ASTN2: variants seen among roughly 807,000 people sequenced by gnomAD.
ASTN2 encodes astrotactin 2.
A neutral mutation model predicts 139.8 loss-of-function variants in ASTN2; 54 were observed. That is an observed-to-expected ratio of 0.39 (90% CI 0.31 to 0.48). ASTN2 has a LOEUF of 0.48. Ranked by LOEUF, ASTN2 falls within the 20% of genes least tolerant of loss-of-function variation. ASTN2 has a pLI of 0.95. For missense variants in ASTN2, 1,565 were observed against 1,725.1 expected (o/e 0.91, Z 1.64); for synonymous variants, 756 against 719.5 (o/e 1.05, Z -0.81).
chr9:116,651,221 C>A (rs1212956381), intron 17 of ASTN2, among the ~76,000 whole-genome samples: 1 of 152,018 alleles, frequency 6.6e-6, no homozygotes, highest in Non-Finnish European at 1.5e-5. Context: ...CCAGCCTGCA[C>A]TACTTCTCAT....
chr9:117,169,895 T>C (rs1265428302), intron 3 of ASTN2, among the ~76,000 whole-genome samples: 5 of 152,112 alleles, frequency 3.3e-5, no homozygotes, highest in Non-Finnish European at 1.5e-5. Context: ...ACAAAGTGCT[T>C]TGGGAACGGC....
chr9:116,644,546 C>G (rs1439333137), intron 17 of ASTN2, among the ~76,000 whole-genome samples: 2 of 152,154 alleles, frequency 1.3e-5, no homozygotes. Flanking sequence ...GCATGTCTTA[C>G]TTCAAATTCA....
chr9:117,175,863 AC>A (rs1316107101), intron 3 of ASTN2, among the ~76,000 whole-genome samples: 7 of 152,176 alleles, frequency 4.6e-5, no homozygotes, highest in Admixed American at 6.5e-5. Context: ...AATGAAAAAA[AC>A]ATTGTAGAAT....
chr9:117,303,520 G>A (rs1834926899), intron 1 of ASTN2, among the ~76,000 whole-genome samples: 1 of 152,086 alleles, frequency 6.6e-6, no homozygotes, highest in Non-Finnish European at 1.5e-5. Flanking sequence ...GCACCAACCT[G>A]GACCAAATGA....
intron 16 of ASTN2, among the ~76,000 whole-genome samples, chr9:116,721,818 T>C (rs1272770365): frequency 4.6e-5 from 7 of 152,210 alleles, no homozygotes; most frequent in African/African-American, 1.7e-4. Context: ...CCAGTGGTTA[T>C]TGGCATGCCC....
chr9:116,539,278 G>A lies in ASTN2; in HGVS notation c.3356-51778C>T, dbSNP rs550227210. ...CCTAAAATTGACCGTGGTGATAATC[G>A]CACAACTCTGTCAATGTGCTATCAA... On this transcript the variant is annotated intron_variant, in intron 19 of 22. Coordinates refer to ENST00000313400, the MANE Select transcript of ASTN2 (RefSeq NM_001365068.1). Among the ~76,000 whole-genome samples, 7 of 151,996 alleles carry A rather than the reference G, an allele frequency of 4.6e-5. No individual in the cohort carries two copies. In the South Asian group the frequency reaches 6.2e-4, roughly 14 times the overall value.
At chr9:117,115,111 C>A (rs535356114) in intron 4 of ASTN2, among the ~76,000 whole-genome samples, 1 of 152,310 alleles carries the variant, frequency 6.6e-6, no homozygotes, top group South Asian at 2.1e-4. Flanking sequence ...CTTTTAACCA[C>A]AAAGCTTTGG....
chr9:116,492,949 C>G (rs1849561801), intron 19 of ASTN2, among the ~76,000 whole-genome samples: 1 of 152,190 alleles, frequency 6.6e-6, no homozygotes, highest in Non-Finnish European at 1.5e-5. Flanking sequence ...TAACCTTCAA[C>G]TAGATCAACT....
At chr9:116,532,944 C>T (rs1851423715) in intron 19 of ASTN2, among the ~76,000 whole-genome samples, 1 of 152,152 alleles carries the variant, frequency 6.6e-6, no homozygotes, top group African/African-American at 2.4e-5. Flanking sequence ...CTATAAATTA[C>T]CTTGGGCAGT....
intron 1 of ASTN2, among the ~76,000 whole-genome samples, chr9:117,363,439 G>A (rs940269904): frequency 3.9e-5 from 6 of 152,154 alleles, no homozygotes; most frequent in African/African-American, 1.4e-4. Flanking sequence ...AATTGTTCAA[G>A]GTAACACAGC....
At chr9:117,307,265 G>T (rs914031338) in intron 1 of ASTN2, among the ~76,000 whole-genome samples, 2 of 152,128 alleles carry the variant, frequency 1.3e-5, no homozygotes, top group African/African-American at 2.4e-5. Flanking sequence ...TTCACATATG[G>T]CTGTTTCCTC....
At chr9:117,226,677 G>A (rs147946183) in intron 2 of ASTN2, among the ~76,000 whole-genome samples, 10 of 152,286 alleles carry the variant, frequency 6.6e-5, no homozygotes, top group Non-Finnish European at 1.3e-4. Flanking sequence ...ATTAACAGAT[G>A]ACAAAAGTGA....
In ASTN2 at chr9:117,230,005, C is replaced by T. The variant is rs188949749; in HGVS notation, c.631-15263G>A. ...TGAGAAACATAGTGAAACCCCATCT[C>T]TACAAAAAATAAAAATAAAAAAAGG... On this transcript the variant is annotated intron_variant, in intron 2 of 22. Transcript: ENST00000313400. 2.1e-4 allele frequency among the ~76,000 whole-genome samples: 32 copies of T among 151,494 alleles called. No homozygotes were observed. The South Asian group carries it at 3.3e-3, about 16-fold the overall frequency.
intron 4 of ASTN2, among the ~76,000 whole-genome samples, chr9:117,109,145 G>A (rs937723590): frequency 6.8e-6 from 1 of 147,502 alleles, no homozygotes; most frequent in Non-Finnish European, 1.5e-5. Context: ...AGCTGGGCGT[G>A]GAGATACATG....
chr9:116,874,337 G>C (rs1390176393), intron 10 of ASTN2, among the ~76,000 whole-genome samples: 1 of 152,106 alleles, frequency 6.6e-6, no homozygotes, highest in Non-Finnish European at 1.5e-5. Flanking sequence ...AGTGTCTTGT[G>C]CTTCTGAGTA....
intron 19 of ASTN2, among the ~76,000 whole-genome samples, chr9:116,520,348 A>T (rs1850816012): frequency 6.6e-6 from 1 of 152,188 alleles, no homozygotes; most frequent in Admixed American, 6.5e-5. Flanking sequence ...GGTTTAACAC[A>T]CATAAGTCAA....
Position 116,904,830 on chromosome 9 carries a change from A to G in ASTN2, c.1890-41097T>C, listed in dbSNP as rs183852231. 3.9e-5 allele frequency among the ~76,000 whole-genome samples: 6 copies of G among 152,314 alleles called. No individual in the cohort carries two copies. The East Asian group carries it at 9.7e-4, about 25-fold the overall frequency. ...AAGGCTGCGTGATGAACATCTCTCA[A>G]TCTTTCTGGAGTGTACAGTGGCTGT... On this transcript the variant is annotated intron_variant, in intron 10 of 22. Transcript: ENST00000313400.
Position 116,620,554 on chromosome 9 carries a change from T to A in ASTN2, c.3073-111A>T, listed in dbSNP as rs1252938836. On this transcript the variant is annotated intron_variant, in intron 17 of 22. Coordinates refer to ENST00000313400, the MANE Select transcript of ASTN2 (RefSeq NM_001365068.1). ...CATCGAGGGCTTTAGAGTAGCCCCT[T>A]TAAGCACAAGACACCATCTATTCCC... 5.9e-6 allele frequency: 8 copies of A among 1,364,732 alleles called. No individual in the cohort carries two copies. In the East Asian group the frequency reaches 1.8e-4, roughly 31 times the overall value. 84.5% of individuals were successfully genotyped at this position (1,364,732 alleles called of 1,614,324 possible).
Position 116,805,731 on chromosome 9 carries a change from T to C in ASTN2, c.2297A>G (p.Asp766Gly). ...VCEGPKCLKP[D>G]SKFNDTLFGE... ...AAAGAGGGTATCATTGAATTTGGAG[T>C]CAGGTTTGAGGCACTTGGGGCCCTC... Residue 766 changes from aspartate (D) to glycine (G), a missense_variant, in exon 13 of 23, where the codon GAC becomes GGC. Transcript: ENST00000313400. 6.2e-7 allele frequency: 1 copy of C among 1,613,904 alleles called. No homozygotes were observed. The highest frequency in any genetic ancestry group is 8.5e-7 in the Non-Finnish European group (1 of 1,179,860).
Sources: gnomAD v4.1 joint callset for allele counts (sites outside exome capture counted in the v4.1 genomes callset) on GRCh38, gnomAD v4.1.1 for gene constraint, MANE v1.5 for transcripts, NCBI Gene and HGNC (gene_info 2026-07-23, HGNC 2026-07-21) for gene names.